FCRL1: variants seen among roughly 807,000 people sequenced by gnomAD.
The protein encoded by FCRL1 is Fc receptor-like protein 1.
A neutral mutation model predicts 49.2 loss-of-function variants in FCRL1; 34 were observed. The ratio of observed to expected loss-of-function variants is 0.69; its 90% confidence interval spans 0.53 to 0.92. The LOEUF (loss-of-function observed/expected upper bound fraction) is 0.92, where lower values mean the gene tolerates loss of function less well. FCRL1 is among the 40% of genes least tolerant of loss of function. The pLI, the probability that FCRL1 is intolerant of heterozygous loss-of-function variation, is 0.00. For missense variants in FCRL1, 524 were observed against 524.1 expected, an observed-to-expected ratio of 1.00 and a Z score of 0.00; for synonymous variants, 218 against 201.6, an observed-to-expected ratio of 1.08 and a Z score of -0.69.
At chr1:157,815,289 A>G (rs1056888734) in intron 1 of FCRL1, among the ~76,000 whole-genome samples, 1 of 151,938 alleles carries the variant, frequency 6.6e-6, no homozygotes, top group Non-Finnish European at 1.5e-5. Context: ...TGAAATCAAT[A>G]ACACAAGGTA....
In FCRL1 at chr1:157,806,473, T is replaced by G. The variant is rs115958160; in HGVS notation, c.52+629A>C. ...TGGGGAAAGGGATTGCTTACTCTCC[T>G]TCTTTGGTAAAGGTAAGACTTTGAA... On this transcript the variant is annotated intron_variant, in intron 2 of 10. Transcript: ENST00000368176. Among the ~76,000 whole-genome samples the G allele has an allele frequency of 6.4e-3, 979 of 152,274 alleles. 10 individuals are homozygous for G. The highest frequency in any genetic ancestry group is 0.023 in the African/African-American group (937 of 41,550).
At position 157,812,270 on chromosome 1, in the gene FCRL1, T is replaced by C. The variant is rs555780745; in HGVS notation, c.32-5148A>G. On this transcript the variant is annotated intron_variant, in intron 1 of 10. Coordinates refer to ENST00000368176, the MANE Select transcript of FCRL1 (RefSeq NM_052938.5). ...ATTTCCTTGGTGTGATGGTGTGATA[T>C]TGGGGAGTGAACCCAATATTGCACT... Among the ~76,000 whole-genome samples the C allele has an allele frequency of 5.3e-5, 8 of 152,300 alleles. No individual in the cohort carries two copies. In the South Asian group the frequency reaches 1.7e-3, roughly 32 times the overall value.
At chr1:157,806,871 C>G in intron 2 of FCRL1, 1 of 486,180 alleles carries the variant, frequency 2.1e-6, no homozygotes. Flanking sequence ...AAGGTCAGAG[C>G]AAGACCTGTT....
rs1029009755 is a variant in FCRL1 at position 157,800,057 on chromosome 1, C to A, written c.1031+1G>T. On this transcript the variant is annotated splice_donor_variant, in intron 7 of 10. Coordinates refer to ENST00000368176, the MANE Select transcript of FCRL1 (RefSeq NM_052938.5). LOFTEE classifies it high-confidence loss of function. ...ACACCTATAGTGAAAACAGGCCTCA[C>A]CTGAGTGGATCCCTGGCTGAACGTC... 2.5e-6 allele frequency: 4 copies of A among 1,612,894 alleles called. No homozygotes were observed. Among genetic ancestry groups the A allele is most frequent in the Non-Finnish European group, 3.4e-6 (4 of 1,179,334 alleles).
chr1:157,804,145 C>T (rs530600664), intron 2 of FCRL1, 34 bp from the exon 3 acceptor site: 133 of 1,601,622 alleles, frequency 8.3e-5, no homozygotes, highest in East Asian at 4.9e-4. Context: ...ATGATTAATG[C>T]GGTTCGGAAT....
intron 1 of FCRL1, among the ~76,000 whole-genome samples, chr1:157,815,385 T>C (rs899201768): frequency 6.6e-6 from 1 of 151,828 alleles, no homozygotes; most frequent in African/African-American, 2.4e-5. Flanking sequence ...CAAAGAGAAA[T>C]TTTAAAATTT....
chr1:157,809,892 T>A (rs113912926), intron 1 of FCRL1, among the ~76,000 whole-genome samples: 2 of 152,106 alleles, frequency 1.3e-5, no homozygotes, highest in African/African-American at 4.8e-5. Flanking sequence ...CCACTGCACT[T>A]CAGCTGGGGC....
chr1:157,797,003 AT>A, intron 10 of FCRL1, 97 bp downstream of exon 10: 1 of 1,174,134 alleles, frequency 8.5e-7, no homozygotes, highest in Non-Finnish European at 1.3e-6. Context: ...AGACCATGGG[AT>A]TTTTGCTCTT....
At chr1:157,819,327 C>G (rs1655476825) in intron 1 of FCRL1, among the ~76,000 whole-genome samples, 1 of 151,792 alleles carries the variant, frequency 6.6e-6, no homozygotes, top group Non-Finnish European at 1.5e-5. Flanking sequence ...CTGTTTATGT[C>G]CAGGAGTGAA....
In FCRL1 at chr1:157,797,868, C is replaced by G. The variant is rs934108518; in HGVS notation, c.1186G>C (p.Ala396Pro). The G allele has an allele frequency of 6.2e-7, 1 of 1,614,182 alleles. No individual in the cohort carries two copies. Among genetic ancestry groups the G allele is most frequent in the African/African-American group, 1.3e-5 (1 of 75,048 alleles). The change falls in exon 9 of 11, where the codon GCA becomes CCA. Residue 396 changes from alanine to proline, a missense_variant and splice_region_variant. Transcript: ENST00000368176. ...ACAAATTTACTCCCCCATGTCTCAC[C>G]TGCTACTGATTCCTGCTCCGGCTGG... ...YNQPEQESVA[A>P]ETLGTHMEDK...
At chr1:157,798,030 A>T in intron 8 of FCRL1, 91 bp from the exon 9 acceptor site, 1 of 1,519,398 alleles carries the variant, frequency 6.6e-7, no homozygotes, top group South Asian at 1.1e-5. Flanking sequence ...AGCCATGAAG[A>T]CAGATGAGTC....
In FCRL1 at chr1:157,802,466, A is replaced by G. The variant is rs1652690347; in HGVS notation, c.518T>C (p.Val173Ala). Residue 173 changes from valine (V) to alanine (A), a missense_variant, in exon 4 of 11, where the codon GTG becomes GCG. Transcript: ENST00000368176. ...SLTAEYEIPS[V>A]RESDAEQYYC... ...ATATTGCTCAGCATCACTCTCCCTC[A>G]CTGAAGGAATCTCATACTCTGCTGT... 6.2e-7 allele frequency: 1 copy of G among 1,614,130 alleles called. No homozygotes were observed. Among genetic ancestry groups the G allele is most frequent in the East Asian group, 2.2e-5 (1 of 44,874 alleles).
rs751698060 is a variant in FCRL1, at chr1:157,796,104, T to C, written c.1285A>G (p.Met429Val). The C allele has an allele frequency of 1.9e-6, 3 of 1,613,574 alleles. No individual in the cohort carries two copies. Among genetic ancestry groups the C allele is most frequent in the Admixed American group, 1.7e-5 (1 of 60,002 alleles). Residue 429 changes from methionine to valine, a missense_variant, in exon 11 of 11, where the codon ATG (methionine) becomes GTG (valine). Met to Val is a conservative substitution (Grantham distance 21). Coordinates refer to ENST00000368176, the MANE Select transcript of FCRL1 (RefSeq NM_052938.5). ...GAGCAGAATCTTCCATAACCTTACATAGCATCTTCATAGTCCACATCTGTA... is the reference window on the plus strand; with the variant it reads ...GAGCAGAATCTTCCATAACCTTACACAGCATCTTCATAGTCCACATCTGTA... ...NITDVDYEDA[M>V]
chr1:157,809,403 C>G (rs529123028), intron 1 of FCRL1, among the ~76,000 whole-genome samples: 2 of 151,912 alleles, frequency 1.3e-5, no homozygotes, highest in Non-Finnish European at 2.9e-5. Flanking sequence ...AAAAAAAAAC[C>G]CTGTTTGTAA....
At chr1:157,816,461 AT>A (rs1655031892) in intron 1 of FCRL1, among the ~76,000 whole-genome samples, 2 of 151,968 alleles carry the variant, frequency 1.3e-5, no homozygotes. Context: ...TAAAGGTCAT[AT>A]ATGACAAGTC....
intron 2 of FCRL1, 59 bp downstream of exon 2, chr1:157,807,043 G>A: frequency 6.2e-7 from 1 of 1,602,316 alleles, no homozygotes; most frequent in Non-Finnish European, 8.5e-7. Context: ...GGCCTCCTGT[G>A]CTGACCTAAG....
At chr1:157,799,645 T>C (rs987805125) in intron 7 of FCRL1, among the ~76,000 whole-genome samples, 4 of 149,472 alleles carry the variant, frequency 2.7e-5, no homozygotes, top group Non-Finnish European at 4.4e-5. Context: ...TGTTGTGGGG[T>C]GCGGGGGAGG....
At chr1:157,806,284 G>A (rs1653425950) in intron 2 of FCRL1, among the ~76,000 whole-genome samples, 5 of 152,208 alleles carry the variant, frequency 3.3e-5, no homozygotes, top group Admixed American at 3.3e-4. Flanking sequence ...TCTGGTCACA[G>A]GAATTCCTAG....
At chr1:157,800,148 T>TGAG in intron 6 of FCRL1, 63 bp from the exon 7 acceptor site, 3 of 1,538,212 alleles carry the variant, frequency 2.0e-6, no homozygotes, top group Non-Finnish European at 2.7e-6. Context: ...GCACTGTCAG[T>TGAG]GTTTTCATAC....
Sources: gnomAD v4.1 joint callset for allele counts (sites outside exome capture counted in the v4.1 genomes callset) on GRCh38, gnomAD v4.1.1 for gene constraint, MANE v1.5 for transcripts, NCBI Gene and HGNC (gene_info 2026-07-23, HGNC 2026-07-21) for gene names.